The following VCL variants were observed in gnomAD, a reference collection of about 807,000 sequenced individuals.
VCL encodes vinculin.
A neutral mutation model predicts 125.7 loss-of-function variants in VCL; 47 were observed. That is an observed-to-expected ratio of 0.37 (90% CI 0.30 to 0.48). VCL has a LOEUF of 0.48. Among genes scored for constraint, VCL ranks in the 20% least tolerant of loss-of-function variants. The probability of loss-of-function intolerance (pLI) is 0.99; values close to 1 mark genes in which losing one functional copy is unlikely to be tolerated. For missense variants in VCL, 1,069 were observed against 1,455.5 expected (o/e 0.73, Z 4.32); for synonymous variants, 458 against 514.6 (o/e 0.89, Z 1.49).
chr10:74,073,132 G>C (rs2136274286), intron 5 of VCL, among the ~76,000 whole-genome samples: 1 of 152,064 alleles, frequency 6.6e-6, no homozygotes, highest in Non-Finnish European at 1.5e-5. Flanking sequence ...GTAGAGACGG[G>C]GTTTCACCAT....
intron 1 of VCL, among the ~76,000 whole-genome samples, chr10:74,020,840 CAAA>C (rs567412270): frequency 2.4e-4 from 16 of 66,742 alleles, no homozygotes; most frequent in African/African-American, 5.3e-4. Context: ...GACCTTGTCT[CAAA>C]AAAAAAAAAA....
At chr10:74,088,836 C>A (rs1839829872) in intron 8 of VCL, among the ~76,000 whole-genome samples, 1 of 152,180 alleles carries the variant, frequency 6.6e-6, no homozygotes, top group African/African-American at 2.4e-5. Context: ...TTCAGAAGCA[C>A]ACATTACTAT....
intron 1 of VCL, among the ~76,000 whole-genome samples, chr10:74,039,571 A>T (rs1419802912): frequency 6.6e-6 from 1 of 151,794 alleles, no homozygotes; most frequent in African/African-American, 2.4e-5. Context: ...TCGCTTGAGC[A>T]TGGGAGTTTG....
chr10:73,998,296 G>C lies in VCL; in HGVS notation c.89G>C (p.Gly30Ala). The change falls in exon 1 of 22, where the codon GGC (glycine) becomes GCC (alanine). Residue 30 changes from glycine to alanine, a missense_variant. Physicochemically the swap from Gly to Ala is moderately conservative, Grantham distance 60 (BLOSUM62 0). Around this residue, in one of 6 missense-constraint regions of VCL, gnomAD observed 96 missense variants for 137.6 expected, o/e 0.70. Coordinates refer to ENST00000211998, the MANE Select transcript of VCL (RefSeq NM_014000.3). The stretch of plus-strand genomic sequence containing the variant: ...CACCTGGTGATAATGCACGAGGAGG[G>C]CGAGGTGGACGGCAAAGCCATTCCT... The part of the protein sequence containing the change: ...ISHLVIMHEE[G>A]EVDGKAIPDL... The C allele has an allele frequency of 6.2e-7, 1 of 1,602,074 alleles. No individual in the cohort carries two copies. Among genetic ancestry groups the C allele is most frequent in the Non-Finnish European group, 8.5e-7 (1 of 1,174,112 alleles).
chr10:74,118,283 G>A lies in VCL; in HGVS notation c.*114G>A. The A allele has an allele frequency of 7.3e-7, 1 of 1,362,628 alleles. No individual in the cohort carries two copies. The highest frequency in any genetic ancestry group is 1.0e-6 in the Non-Finnish European group (1 of 976,446). The allele number at this position is 1,362,628 out of a possible 1,614,324, so 84.4% of individuals were successfully genotyped here. The stretch of plus-strand genomic sequence containing the variant: ...AGCTGAAAAATCACATCCTGGCCTG[G>A]CACATCAGAAAGGAATGGGGGCCTC... On this transcript the variant is annotated 3_prime_UTR_variant, in exon 22 of 22. Transcript: ENST00000211998.
In VCL at chr10:73,998,239, G is replaced by A. The variant is rs777811020; in HGVS notation, c.32G>A (p.Ser11Asn). 8 of 1,612,924 alleles carry A rather than the reference G, an allele frequency of 5.0e-6. No homozygotes were observed. In the East Asian group the frequency reaches 1.3e-4, roughly 27 times the overall value. Residue 11 changes from serine to asparagine, a missense_variant, in exon 1 of 22, where the codon AGC (serine) becomes AAC (asparagine). By Grantham distance (46) the Ser-to-Asn change is conservative. Coordinates refer to ENST00000211998, the MANE Select transcript of VCL (RefSeq NM_014000.3). MPVFHTRTIE[S>N]ILEPVAQQIS... The stretch of plus-strand genomic sequence containing the variant: ...GTGTTTCATACGCGCACGATCGAGA[G>A]CATCCTGGAGCCGGTGGCACAGCAG...
At chr10:74,020,662 G>A (rs1022073110) in intron 1 of VCL, among the ~76,000 whole-genome samples, 10 of 151,798 alleles carry the variant, frequency 6.6e-5, no homozygotes, top group African/African-American at 9.7e-5. Flanking sequence ...GCAACATGGC[G>A]AAACCCTGTC....
In VCL at chr10:74,097,284, G is replaced by C. The variant is rs1194922922; in HGVS notation, c.1824G>C (p.Leu608=). ...GCGATACCACAACTCCCATCAAGCTGTTGGCAGTGGCAGCCACGGCGCCTC... is the reference window on the plus strand; with the variant it reads ...GCGATACCACAACTCCCATCAAGCTCTTGGCAGTGGCAGCCACGGCGCCTC... ...VFSDTTTPIK[L]LAVAATAPPD... Residue 608 remains leucine, a synonymous_variant, in exon 13 of 22, where the codon CTG becomes CTC. Transcript: ENST00000211998. This position sits in a 1 kb window ranked among gnomAD's most constrained non-coding sequence, Gnocchi z 4.1. 6.2e-7 allele frequency: 1 copy of C among 1,614,100 alleles called. No homozygotes were observed. The highest frequency in any genetic ancestry group is 1.7e-5 in the Admixed American group (1 of 60,026).
At chr10:74,078,848 A>G (rs1839634246) in intron 6 of VCL, among the ~76,000 whole-genome samples, 2 of 152,172 alleles carry the variant, frequency 1.3e-5, no homozygotes, top group Non-Finnish European at 2.9e-5. Flanking sequence ...ATTGACTTGC[A>G]GGTGGAAATG....
intron 10 of VCL, among the ~76,000 whole-genome samples, chr10:74,091,868 C>A (rs543729957): frequency 6.7e-6 from 1 of 148,332 alleles, no homozygotes; most frequent in Non-Finnish European, 1.5e-5. Flanking sequence ...GCTGTTCTGG[C>A]GCGGATGGGC....
chr10:74,117,411 T>A (rs1840328089), intron 21 of VCL, among the ~76,000 whole-genome samples: 1 of 152,130 alleles, frequency 6.6e-6, no homozygotes, highest in Non-Finnish European at 1.5e-5. Context: ...TCTTAGCACT[T>A]TGGGAGGCTG....
At chr10:74,000,288 G>T (rs1312659042) in intron 1 of VCL, among the ~76,000 whole-genome samples, 1 of 148,370 alleles carries the variant, frequency 6.7e-6, no homozygotes, top group Admixed American at 6.7e-5. Flanking sequence ...TTGAGACAGG[G>T]TCTCGCTCTG....
chr10:74,019,208 T>C (rs899197550), intron 1 of VCL, among the ~76,000 whole-genome samples: 1 of 152,214 alleles, frequency 6.6e-6, no homozygotes, highest in African/African-American at 2.4e-5. Context: ...GCATTGGATG[T>C]TAGAAAACAG....
chr10:74,086,772 T>C (rs1303168255), intron 8 of VCL, among the ~76,000 whole-genome samples: 1 of 152,236 alleles, frequency 6.6e-6, no homozygotes, highest in East Asian at 1.9e-4. Flanking sequence ...CAATATCCTT[T>C]CCTGATGAAA....
Position 74,070,736 on chromosome 10 carries a change from G to T in VCL, c.306G>T (p.Val102=). 6.2e-7 allele frequency: 1 copy of T among 1,614,124 alleles called. No individual in the cohort carries two copies. Residue 102 remains valine, a synonymous_variant, in exon 3 of 22, where the codon GTG becomes GTT. Coordinates refer to ENST00000211998, the MANE Select transcript of VCL (RefSeq NM_014000.3). ...TGCTTCAGTCAGACCCTTACTCAGT[G>T]CCTGCTCGAGATTATCTAATTGATG... The part of the protein sequence containing the change: ...AQMLQSDPYS[V]PARDYLIDGS...
In VCL at chr10:74,105,272, G is replaced by A. The variant is rs778554042; in HGVS notation, c.2353G>A (p.Ala785Thr). ...TCCCAAGTTCCGTGAGGCTGTGAAA[G>A]CTGCCTCTGATGAATTGAGCAAAAC... ...EDPKFREAVK[A>T]ASDELSKTIS... The change falls in exon 16 of 22, where the codon GCT becomes ACT. Residue 785 changes from alanine (A) to threonine (T), a missense_variant. By Grantham distance (58) the Ala-to-Thr change is moderately conservative (BLOSUM62 0). Around this residue, in one of 6 missense-constraint regions of VCL, gnomAD observed 760 missense variants for 928.9 expected, o/e 0.82. Transcript: ENST00000211998. 5 of 1,613,798 alleles carry A rather than the reference G, an allele frequency of 3.1e-6. No individual in the cohort carries two copies. The African/African-American group carries it at 4.0e-5, about 13-fold the overall frequency.
At chr10:74,081,497 C>T (rs1839673519) in intron 6 of VCL, among the ~76,000 whole-genome samples, 1 of 152,162 alleles carries the variant, frequency 6.6e-6, no homozygotes, top group African/African-American at 2.4e-5. Flanking sequence ...TAGAGGTTAA[C>T]TTTGTGCTTT....
chr10:74,095,065 G>A (rs572847728), intron 11 of VCL, among the ~76,000 whole-genome samples: 1 of 152,150 alleles, frequency 6.6e-6, no homozygotes, highest in African/African-American at 2.4e-5. Context: ...TTTGGTATTA[G>A]ATGTCAAGAG....
At chr10:74,025,012 C>CATTTTATTTT (rs531005866) in intron 1 of VCL, among the ~76,000 whole-genome samples, 1 of 152,108 alleles carries the variant, frequency 6.6e-6, no homozygotes, top group African/African-American at 2.4e-5. Flanking sequence ...ATCCCACTCT[C>CATTTTATTTT]ATTTTATTTT....
Sources: gnomAD v4.1 joint callset for allele counts (sites outside exome capture counted in the v4.1 genomes callset) on GRCh38, gnomAD v4.1.1 for gene constraint, gnomAD v4.1.1 regional missense constraint, Gnocchi (gnomAD v3.1) non-coding constraint, MANE v1.5 for transcripts, NCBI Gene and HGNC (gene_info 2026-07-23, HGNC 2026-07-21) for gene names.